The following ATP9B variants were observed in gnomAD, a reference collection of about 807,000 sequenced individuals.
ATP9B encodes ATPase phospholipid transporting 9B, also known as probable phospholipid-transporting ATPase IIB.
ATP9B carries 110 observed loss-of-function variants against 146.1 expected under a neutral mutation model. That is an observed-to-expected ratio of 0.75 (90% CI 0.65 to 0.88). ATP9B has a LOEUF of 0.88. ATP9B is among the 40% of genes least tolerant of loss of function. ATP9B has a pLI of 0.00. For missense variants in ATP9B, 1,499 were observed against 1,496.4 expected, an observed-to-expected ratio of 1.00 and a Z score of -0.03; for synonymous variants, 604 against 569.7, an observed-to-expected ratio of 1.06 and a Z score of -0.86.
chr18:79,245,650 A>G (rs373887020), intron 11 of ATP9B, among the ~76,000 whole-genome samples: 9 of 62,338 alleles, frequency 1.4e-4, no homozygotes, highest in Admixed American at 5.7e-4. Context: ...CTACTGACTG[A>G]GGAGGGTACC....
At chr18:79,103,559 A>G (rs2075440576) in intron 2 of ATP9B, among the ~76,000 whole-genome samples, 1 of 152,148 alleles carries the variant, frequency 6.6e-6, no homozygotes, top group Non-Finnish European at 1.5e-5. Flanking sequence ...GCATGAGGAA[A>G]ACTAGGGGAG....
At chr18:79,284,277 A>T (rs2096410940) in intron 13 of ATP9B, among the ~76,000 whole-genome samples, 1 of 152,306 alleles carries the variant, frequency 6.6e-6, no homozygotes. Context: ...TACAGCAAAT[A>T]TGAGTAGCCT....
rs967707940 is a variant in ATP9B, at chr18:79,228,916, C to G, written c.1107+14878C>G. Among the ~76,000 whole-genome samples, 41 of 151,968 alleles carry G rather than the reference C, an allele frequency of 2.7e-4. 1 individual carries two copies. Among genetic ancestry groups the G allele is most frequent in the African/African-American group, 9.4e-4 (39 of 41,372 alleles). On this transcript the variant is annotated intron_variant, in intron 11 of 29. Transcript: ENST00000426216. ...TAGGGCACACCTGTGGTACAAACTA[C>G]CTGGGAGACTCAGGTGGGAGGATCA...
At position 79,110,509 on chromosome 18, in the gene ATP9B, A is replaced by G; in HGVS notation, c.444+4A>G. ...TGTGTTTACCTTTATACCTGGGGTA[A>G]GACTATTGCATTCTTGGAGATGGGT... On this transcript the variant is annotated splice_donor_region_variant and intron_variant, in intron 3 of 29. Coordinates refer to ENST00000426216, the MANE Select transcript of ATP9B (RefSeq NM_198531.5). 6.2e-7 allele frequency: 1 copy of G among 1,600,564 alleles called. No individual in the cohort carries two copies. Among genetic ancestry groups the G allele is most frequent in the Non-Finnish European group, 8.5e-7 (1 of 1,175,214 alleles).
At chr18:79,375,224 TGTATG>T (rs2097096108) in intron 28 of ATP9B, among the ~76,000 whole-genome samples, 165 bp from the exon 29 acceptor site, 1 of 152,210 alleles carries the variant, frequency 6.6e-6, no homozygotes, top group African/African-American at 2.4e-5. Context: ...TTTAAACAGT[TGTATG>T]GTATCAGGCA....
At chr18:79,347,658 C>A in intron 23 of ATP9B, 112 bp from the exon 24 acceptor site, 1 of 1,279,046 alleles carries the variant, frequency 7.8e-7, no homozygotes. Flanking sequence ...ACAAGTTCTG[C>A]AGAGAGAATT....
intron 1 of ATP9B, among the ~76,000 whole-genome samples, chr18:79,070,468 T>A (rs1481622957): frequency 2.0e-5 from 3 of 152,232 alleles, no homozygotes; most frequent in Non-Finnish European, 4.4e-5. Context: ...CTGGATAATA[T>A]TTTTTCTTAC....
At chr18:79,202,550 A>C (rs745920238) in intron 9 of ATP9B, among the ~76,000 whole-genome samples, 1 of 152,208 alleles carries the variant, frequency 6.6e-6, no homozygotes, top group Non-Finnish European at 1.5e-5. Flanking sequence ...AACATTTTGC[A>C]TCCTCCCCCA....
chr18:79,137,571 T>C lies in ATP9B; in HGVS notation c.668-6231T>C, dbSNP rs187672233. Among the ~76,000 whole-genome samples the C allele has an allele frequency of 9.9e-5, 15 of 152,282 alleles. No homozygotes were observed. In the East Asian group the frequency reaches 2.9e-3, roughly 29 times the overall value. On this transcript the variant is annotated intron_variant, in intron 5 of 29. Transcript: ENST00000426216. ...CCAGTCTGGCTCGAAGGGCACTTTG[T>C]AAACATGGGCATTCTCTGTTCCTTT...
intron 29 of ATP9B, 130 bp from the exon 30 acceptor site, chr18:79,377,117 G>A (rs918150606): frequency 8.2e-6 from 9 of 1,100,104 alleles, no homozygotes; most frequent in Non-Finnish European, 1.1e-5. Flanking sequence ...CTGGGCCCCT[G>A]TAAATGCACA....
intron 15 of ATP9B, among the ~76,000 whole-genome samples, chr18:79,327,257 A>G (rs1167883724): frequency 6.6e-6 from 1 of 152,228 alleles, no homozygotes; most frequent in Admixed American, 6.5e-5. Flanking sequence ...GGACGTGCTC[A>G]TCGGAAGAGG....
At chr18:79,253,674 CTTGAGGAATT>C (rs1038720024) in intron 12 of ATP9B, 133 bp downstream of exon 12, 349 of 956,708 alleles carry the variant, frequency 3.6e-4, no homozygotes, top group Non-Finnish European at 4.9e-4. Context: ...TCTGAGGAAT[CTTGAGGAATT>C]CTTCTGTGGA....
chr18:79,336,769 T>C (rs2096829426), intron 18 of ATP9B, 58 bp downstream of exon 18: 1 of 1,538,408 alleles, frequency 6.5e-7, no homozygotes, highest in South Asian at 1.2e-5. Flanking sequence ...TACGCTGAAA[T>C]TAGTTCTTCC....
At chr18:79,098,140 A>G (rs1459074118) in intron 2 of ATP9B, among the ~76,000 whole-genome samples, 5 of 151,932 alleles carry the variant, frequency 3.3e-5, no homozygotes, top group Admixed American at 2.0e-4. Flanking sequence ...CAATGGGGAA[A>G]GGATTCCCTA....
At chr18:79,098,830 A>C (rs1399469376) in intron 2 of ATP9B, among the ~76,000 whole-genome samples, 1 of 152,130 alleles carries the variant, frequency 6.6e-6, no homozygotes, top group African/African-American at 2.4e-5. Context: ...AGTGTCTTTT[A>C]ATCTGGAGTA....
chr18:79,337,777 C>T (rs556207278), intron 19 of ATP9B, among the ~76,000 whole-genome samples: 2 of 152,372 alleles, frequency 1.3e-5, no homozygotes, highest in Non-Finnish European at 1.5e-5. Context: ...ATGCACCCCC[C>T]ACAGGACGCA....
chr18:79,356,336 G>A (rs939050418), intron 25 of ATP9B, among the ~76,000 whole-genome samples: 6 of 151,544 alleles, frequency 4.0e-5, no homozygotes, highest in African/African-American at 9.7e-5. Flanking sequence ...CTCGGCACTC[G>A]TTTCCAAACC....
At chr18:79,278,047 T>C (rs1027736866) in intron 13 of ATP9B, among the ~76,000 whole-genome samples, 2 of 152,040 alleles carry the variant, frequency 1.3e-5, no homozygotes, top group Non-Finnish European at 2.9e-5. Flanking sequence ...CAAATAGAAA[T>C]AGGATATAAG....
At chr18:79,081,653 C>T (rs1214891859) in intron 1 of ATP9B, among the ~76,000 whole-genome samples, 1 of 147,778 alleles carries the variant, frequency 6.8e-6, no homozygotes, top group Non-Finnish European at 1.5e-5. Context: ...AAGGGTTTTT[C>T]GTGTCTCTAT....
Sources: allele counts gnomAD v4.1 joint callset (sites outside exome capture counted in the v4.1 genomes callset), GRCh38; gene constraint gnomAD v4.1.1; transcripts MANE v1.5; gene names NCBI Gene and HGNC (gene_info 2026-07-23, HGNC 2026-07-21).